Variants in HCN1 observed in about 807,000 individuals in gnomAD.
HCN1 encodes hyperpolarization activated cyclic nucleotide gated potassium channel 1.
Under a neutral mutation model 78.9 loss-of-function variants are expected in HCN1, and 13 were observed. That is an observed-to-expected ratio of 0.16 (90% CI 0.11 to 0.26). The LOEUF is 0.26. HCN1 is among the 10% of genes least tolerant of loss of function. HCN1 has a pLI of 1.00. For synonymous variants in HCN1, 552 were observed against 455.5 expected (o/e 1.21, Z -2.70); for missense variants, 810 against 1,154.3 (o/e 0.70, Z 4.32).
intron 6 of HCN1, among the ~76,000 whole-genome samples, chr5:45,279,548 G>C (rs151104782): frequency 6.6e-6 from 1 of 152,136 alleles, no homozygotes; most frequent in East Asian, 1.9e-4. Context: ...ACACATAAAA[G>C]TAACAATATA....
intron 2 of HCN1, among the ~76,000 whole-genome samples, chr5:45,514,466 T>C (rs1742480957): frequency 6.6e-6 from 1 of 152,164 alleles, no homozygotes; most frequent in Admixed American, 6.5e-5. Flanking sequence ...CTTTAAGGAC[T>C]ACTCTTCAAA....
At chr5:45,402,076 T>C (rs1219284933) in intron 3 of HCN1, among the ~76,000 whole-genome samples, 1 of 151,984 alleles carries the variant, frequency 6.6e-6, no homozygotes, top group Admixed American at 6.6e-5. Flanking sequence ...CCATAGTATG[T>C]GTGTGTACAT....
At chr5:45,308,834 GT>G (rs773113004) in intron 5 of HCN1, among the ~76,000 whole-genome samples, 15 of 152,174 alleles carry the variant, frequency 9.9e-5, no homozygotes, top group Admixed American at 2.6e-4. Flanking sequence ...TCTTAGGATT[GT>G]CTTGGCTATT....
chr5:45,509,024 C>G (rs1742359703), intron 2 of HCN1, among the ~76,000 whole-genome samples: 1 of 152,074 alleles, frequency 6.6e-6, no homozygotes, highest in African/African-American at 2.4e-5. Flanking sequence ...TTACCCTGCC[C>G]AAAGCACATG....
chr5:45,528,234 C>T (rs1458867332), intron 2 of HCN1, among the ~76,000 whole-genome samples: 1 of 151,838 alleles, frequency 6.6e-6, no homozygotes, highest in African/African-American at 2.4e-5. Context: ...TCCCTAAATC[C>T]TACTATTACT....
At chr5:45,392,711 G>A (rs1739601835) in intron 4 of HCN1, among the ~76,000 whole-genome samples, 1 of 151,584 alleles carries the variant, frequency 6.6e-6, no homozygotes, top group Non-Finnish European at 1.5e-5. Context: ...GCTGGAACTC[G>A]GGAGGTGCAG....
At chr5:45,369,352 T>C (rs975037809) in intron 4 of HCN1, among the ~76,000 whole-genome samples, 1 of 151,872 alleles carries the variant, frequency 6.6e-6, no homozygotes. Flanking sequence ...TCTCATATTA[T>C]CCTTCTAAAA....
chr5:45,589,571 C>T (rs1339921539), intron 2 of HCN1, among the ~76,000 whole-genome samples: 1 of 152,018 alleles, frequency 6.6e-6, no homozygotes, highest in East Asian at 1.9e-4. Context: ...AAAATTATGA[C>T]CAATGATCAT....
intron 6 of HCN1, among the ~76,000 whole-genome samples, chr5:45,290,659 A>T (rs150396350): frequency 1.3e-5 from 2 of 152,208 alleles, no homozygotes; most frequent in South Asian, 4.1e-4. Context: ...CTCCAAAAGT[A>T]GATCCAATGC....
At chr5:45,329,999 G>C (rs1314769563) in intron 5 of HCN1, among the ~76,000 whole-genome samples, 1 of 151,272 alleles carries the variant, frequency 6.6e-6, no homozygotes, top group African/African-American at 2.4e-5. Context: ...TTTTCAATTA[G>C]AGATTTTACT....
intron 3 of HCN1, among the ~76,000 whole-genome samples, chr5:45,418,649 G>GT (rs1740166090): frequency 6.6e-6 from 1 of 151,886 alleles, no homozygotes; most frequent in Non-Finnish European, 1.5e-5. Context: ...ATAAATCAAC[G>GT]TAACTGTCAA....
chr5:45,380,797 T>C (rs1416719674), intron 4 of HCN1, among the ~76,000 whole-genome samples: 1 of 152,138 alleles, frequency 6.6e-6, no homozygotes, highest in African/African-American at 2.4e-5. Flanking sequence ...ATCGTTTTAT[T>C]ATTTACAAGA....
At chr5:45,286,700 G>A (rs1409959476) in intron 6 of HCN1, among the ~76,000 whole-genome samples, 1 of 151,872 alleles carries the variant, frequency 6.6e-6, no homozygotes, top group East Asian at 1.9e-4. Flanking sequence ...TCCAAGCAAA[G>A]GGAACTACTT....
chr5:45,430,917 G>A (rs1740450120), intron 3 of HCN1, among the ~76,000 whole-genome samples: 1 of 152,132 alleles, frequency 6.6e-6, no homozygotes, highest in Non-Finnish European at 1.5e-5. Flanking sequence ...TATGTGCCAT[G>A]TGTCTTTATG....
chr5:45,504,660 T>C (rs893781280), intron 2 of HCN1, among the ~76,000 whole-genome samples: 21 of 152,136 alleles, frequency 1.4e-4, no homozygotes, highest in Admixed American at 3.3e-4. Flanking sequence ...TTCTAGATCC[T>C]TGAGGAATCA....
intron 3 of HCN1, among the ~76,000 whole-genome samples, chr5:45,449,765 A>G (rs1740877786): frequency 6.6e-6 from 1 of 152,120 alleles, no homozygotes; most frequent in Non-Finnish European, 1.5e-5. Context: ...AAATTTTATG[A>G]TTTCCTTTAG....
chr5:45,378,118 T>A (rs1382209634), intron 4 of HCN1, among the ~76,000 whole-genome samples: 8 of 151,922 alleles, frequency 5.3e-5, no homozygotes, highest in Non-Finnish European at 7.4e-5. Context: ...ACTATGTTAA[T>A]TTTACAGATG....
At chr5:45,423,382 G>A (rs528298720) in intron 3 of HCN1, among the ~76,000 whole-genome samples, 28 of 152,084 alleles carry the variant, frequency 1.8e-4, no homozygotes, top group Admixed American at 4.6e-4. Context: ...ACACAATCAG[G>A]CTCCAGCCTC....
At position 45,551,381 on chromosome 5, in the gene HCN1, C is replaced by CT. The variant is rs943742818; in HGVS notation, c.850-89375dup. Among the ~76,000 whole-genome samples, 360 of 144,856 alleles carry CT rather than the reference C, an allele frequency of 2.5e-3. 1 individual carries two copies. Among genetic ancestry groups the CT allele is most frequent in the African/African-American group, 3.6e-3 (144 of 39,760 alleles). On this transcript the variant is annotated intron_variant, in intron 2 of 7. Coordinates refer to ENST00000303230, the MANE Select transcript of HCN1 (RefSeq NM_021072.4). Reference sequence around the variant, plus strand: ...GCAGACTTCAATAAAATCTCCCAACCTTTTTTTTTTTAGTTACATGTAGAA... The same window carrying CT: ...GCAGACTTCAATAAAATCTCCCAACCTTTTTTTTTTTTAGTTACATGTAGAA...
Sources: allele counts gnomAD v4.1 joint callset (sites outside exome capture counted in the v4.1 genomes callset), GRCh38; gene constraint gnomAD v4.1.1; transcripts MANE v1.5; gene names NCBI Gene and HGNC (gene_info 2026-07-23, HGNC 2026-07-21).